The following GLCE variants were observed in gnomAD, a reference collection of about 807,000 sequenced individuals.
The protein encoded by GLCE is D-glucuronyl C5-epimerase.
A neutral mutation model predicts 47.9 loss-of-function variants in GLCE; 19 were observed. The observed-to-expected ratio is 0.40, with a 90% CI of 0.28 to 0.58. The LOEUF is 0.58. GLCE is among the 20% of genes least tolerant of loss of function. GLCE has a pLI of 0.48. For synonymous variants in GLCE, 245 were observed against 263.4 expected (o/e 0.93, Z 0.68); for missense variants, 556 against 743.3 (o/e 0.75, Z 2.93).
chr15:69,176,046 C>A (rs985563351), intron 1 of GLCE, among the ~76,000 whole-genome samples: 3 of 152,044 alleles, frequency 2.0e-5, no homozygotes, highest in Middle Eastern at 3.4e-3. Flanking sequence ...TTAGAAGCTA[C>A]ATGTGCATTA....
At chr15:69,262,777 C>T (rs556005926) in intron 4 of GLCE, among the ~76,000 whole-genome samples, 23 of 152,218 alleles carry the variant, frequency 1.5e-4, no homozygotes, top group African/African-American at 3.9e-4. Flanking sequence ...AGCCACTCTG[C>T]GAGTGGGACA....
At chr15:69,254,316 G>T (rs1218721425) in intron 2 of GLCE, among the ~76,000 whole-genome samples, 1 of 152,120 alleles carries the variant, frequency 6.6e-6, no homozygotes, top group Non-Finnish European at 1.5e-5. Flanking sequence ...AGGACTACTT[G>T]CATTGCAATC....
At chr15:69,199,710 C>T (rs559202426) in intron 1 of GLCE, among the ~76,000 whole-genome samples, 1 of 152,292 alleles carries the variant, frequency 6.6e-6, no homozygotes, top group Non-Finnish European at 1.5e-5. Context: ...CCATTCAGTG[C>T]ACTGTACCAT....
Position 69,268,563 on chromosome 15 carries a change from C to T in GLCE, c.1173C>T (p.Leu391=), listed in dbSNP as rs780210923. Residue 391 remains leucine (L), a synonymous_variant, in exon 5 of 5, where the codon CTC becomes CTT. Coordinates refer to ENST00000261858, the MANE Select transcript of GLCE (RefSeq NM_015554.3). ...TGATTGCAAAAGGTAAGGGATTCCT[C>T]GACAACATTACCATCTCTACCACAG... is the stretch of plus-strand genomic sequence containing the variant. ...VRLIAKGKGF[L]DNITISTTAH... 17 of 1,614,022 alleles carry T rather than the reference C, an allele frequency of 1.1e-5. No homozygotes were observed. Among genetic ancestry groups the T allele is most frequent in the African/African-American group, 9.3e-5 (7 of 74,912 alleles).
intron 1 of GLCE, among the ~76,000 whole-genome samples, chr15:69,169,635 C>T (rs1566945576): frequency 6.7e-6 from 1 of 148,886 alleles, no homozygotes; most frequent in Non-Finnish European, 1.5e-5. Flanking sequence ...TGAATGATAA[C>T]ATGTGGTGTT....
intron 1 of GLCE, among the ~76,000 whole-genome samples, chr15:69,162,676 C>T (rs1037875303): frequency 6.6e-6 from 1 of 152,176 alleles, no homozygotes; most frequent in Admixed American, 6.5e-5. Context: ...CCCAGTTCAG[C>T]TTCCCATCCC....
intron 1 of GLCE, among the ~76,000 whole-genome samples, chr15:69,199,265 A>G (rs978959624): frequency 2.6e-5 from 4 of 152,202 alleles, no homozygotes; most frequent in African/African-American, 9.6e-5. Context: ...GAATACATGC[A>G]GTATATTTTA....
intron 2 of GLCE, among the ~76,000 whole-genome samples, chr15:69,240,689 C>T (rs1207391681): frequency 1.3e-5 from 2 of 151,792 alleles, no homozygotes; most frequent in African/African-American, 4.8e-5. Context: ...TTAAACTGTA[C>T]CAGAAGCAAC....
intron 2 of GLCE, among the ~76,000 whole-genome samples, chr15:69,249,919 A>AT (rs2052814036): frequency 6.6e-6 from 1 of 152,134 alleles, no homozygotes; most frequent in African/African-American, 2.4e-5. Flanking sequence ...ATTTTTAACT[A>AT]TTTCTACAAA....
In GLCE at chr15:69,269,435, G is replaced by A; in HGVS notation, c.*191G>A. On this transcript the variant is annotated 3_prime_UTR_variant, in exon 5 of 5. Transcript: ENST00000261858. ...CATGGGTTGGGTATTTAGAAATGTA[G>A]GTGGCATTTAGAACACAATGTTTAA... 1.7e-6 allele frequency: 1 copy of A among 586,256 alleles called. No homozygotes were observed. The allele number at this position is 586,256 out of a possible 1,614,324, so 36.3% of individuals were successfully genotyped here. A position where few individuals can be genotyped will look rare whatever the true frequency, so the allele number is the denominator to read the frequency against.
At chr15:69,223,417 CAA>C in intron 2 of GLCE, among the ~76,000 whole-genome samples, 1 of 152,260 alleles carries the variant, frequency 6.6e-6, no homozygotes, top group East Asian at 1.9e-4. Context: ...CTCTGGCCTC[CAA>C]AGTTTCTGAT....
chr15:69,173,107 C>T (rs1332805169), intron 1 of GLCE, among the ~76,000 whole-genome samples: 1 of 152,082 alleles, frequency 6.6e-6, no homozygotes, highest in Non-Finnish European at 1.5e-5. Context: ...ATAACTATCC[C>T]AATATTCAGC....
intron 1 of GLCE, among the ~76,000 whole-genome samples, chr15:69,167,231 C>T (rs1208780093): frequency 1.3e-5 from 2 of 152,042 alleles, no homozygotes; most frequent in African/African-American, 4.8e-5. Flanking sequence ...AAAAACAAAA[C>T]AAAACAAAAC....
At chr15:69,257,716 T>A (rs1046516089) in intron 3 of GLCE, among the ~76,000 whole-genome samples, 1 of 151,918 alleles carries the variant, frequency 6.6e-6, no homozygotes. Context: ...TCAATATAAT[T>A]ATTATTATTT....
intron 1 of GLCE, among the ~76,000 whole-genome samples, chr15:69,189,742 CT>C (rs1237710926): frequency 6.6e-6 from 1 of 152,100 alleles, no homozygotes; most frequent in Non-Finnish European, 1.5e-5. Context: ...TTTCTTTCTT[CT>C]CCTTCTGTGT....
chr15:69,164,314 T>A (rs906343340), intron 1 of GLCE, among the ~76,000 whole-genome samples: 1 of 152,018 alleles, frequency 6.6e-6, no homozygotes, highest in African/African-American at 2.4e-5. Flanking sequence ...AAATATGATA[T>A]ACTAAAGCAG....
In GLCE at chr15:69,256,171, A is replaced by G; in HGVS notation, c.365A>G (p.Glu122Gly). The G allele has an allele frequency of 6.2e-7, 1 of 1,614,048 alleles. No homozygotes were observed. Among genetic ancestry groups the G allele is most frequent in the Non-Finnish European group, 8.5e-7 (1 of 1,179,944 alleles). ...NDEHTIKGRR[E>G]GNEVFLPFTW... The stretch of plus-strand genomic sequence containing the variant: ...GAACACACAATTAAAGGGAGACGAG[A>G]GGGGAACGAAGTCTTTCTTCCATTC... Residue 122 changes from glutamate to glycine, a missense_variant, in exon 3 of 5, where the codon GAG becomes GGG. Physicochemically the swap from Glu to Gly is moderately conservative, Grantham distance 98. This residue lies in a region of GLCE where 237 missense variants were observed against 310.9 expected (regional missense o/e 0.76). Coordinates refer to ENST00000261858, the MANE Select transcript of GLCE (RefSeq NM_015554.3).
intron 2 of GLCE, among the ~76,000 whole-genome samples, chr15:69,244,892 T>A (rs2052725301): frequency 6.6e-6 from 1 of 152,238 alleles, no homozygotes; most frequent in Admixed American, 6.5e-5. Flanking sequence ...ACATTGGAGA[T>A]ACTGCAGATT....
chr15:69,264,418 A>G (rs1366228309), intron 4 of GLCE, among the ~76,000 whole-genome samples: 1 of 152,094 alleles, frequency 6.6e-6, no homozygotes, highest in Non-Finnish European at 1.5e-5. Flanking sequence ...ACACATATTT[A>G]CACCATATTT....
Sources: gnomAD v4.1 joint callset for allele counts (sites outside exome capture counted in the v4.1 genomes callset) on GRCh38, gnomAD v4.1.1 for gene constraint, gnomAD v4.1.1 regional missense constraint, MANE v1.5 for transcripts, NCBI Gene and HGNC (gene_info 2026-07-23, HGNC 2026-07-21) for gene names.